The following GRIP1 variants were observed in gnomAD, a reference collection of about 807,000 sequenced individuals.
GRIP1 encodes glutamate receptor-interacting protein 1.
GRIP1 carries 45 observed loss-of-function variants against 129.9 expected under a neutral mutation model. That is an observed-to-expected ratio of 0.35 (90% confidence interval 0.27 to 0.44). GRIP1 has a LOEUF of 0.44. Among genes scored for constraint, GRIP1 ranks in the 20% least tolerant of loss-of-function variants. The pLI is 1.00. For missense variants in GRIP1, 1,196 were observed against 1,396.8 expected, an observed-to-expected ratio of 0.86 and a Z score of 2.29; for synonymous variants, 530 against 520.8, an observed-to-expected ratio of 1.02 and a Z score of -0.24.
intron 13 of GRIP1, among the ~76,000 whole-genome samples, chr12:66,438,463 C>A (rs1366751138): frequency 1.3e-5 from 2 of 151,800 alleles, no homozygotes; most frequent in Non-Finnish European, 2.9e-5. Flanking sequence ...GTAGAGCCAA[C>A]TGCTCTCTAC....
intron 1 of GRIP1, among the ~76,000 whole-genome samples, chr12:66,851,908 C>T (rs2039919059): frequency 6.6e-6 from 1 of 152,082 alleles, no homozygotes; most frequent in South Asian, 2.1e-4. Context: ...TTTTACAGAT[C>T]ATAAAACTTT....
intron 1 of GRIP1, among the ~76,000 whole-genome samples, chr12:66,945,001 C>A (rs2041644482): frequency 6.6e-6 from 1 of 152,108 alleles, no homozygotes; most frequent in South Asian, 2.1e-4. Context: ...TCTTGTTGGC[C>A]AGGGTGGTCT....
In GRIP1 at chr12:66,420,941, G is replaced by A. The variant is rs1388133714; in HGVS notation, c.1769-152C>T. 5.0e-6 allele frequency: 3 copies of A among 602,544 alleles called. No homozygotes were observed. The East Asian group carries it at 8.2e-5, about 17-fold the overall frequency. 37.3% of individuals were successfully genotyped at this position (602,544 alleles called of 1,614,324 possible). A position where few individuals can be genotyped will look rare whatever the true frequency, so the allele number is the denominator to read the frequency against. On this transcript the variant is annotated intron_variant, in intron 14 of 24. Transcript: ENST00000359742. ...ATGAATTAGGAAGTATGCACATTAT[G>A]TCTTTACAAATGTTTGTGCTAAAAT... is the stretch of plus-strand genomic sequence containing the variant.
chr12:66,835,662 C>T (rs1393072431), intron 1 of GRIP1, among the ~76,000 whole-genome samples: 1 of 152,170 alleles, frequency 6.6e-6, no homozygotes, highest in African/African-American at 2.4e-5. Context: ...CAAAAGGCTG[C>T]ATACCATATG....
At chr12:66,684,337 C>T (rs1035504500) in intron 1 of GRIP1, among the ~76,000 whole-genome samples, 7 of 152,128 alleles carry the variant, frequency 4.6e-5, no homozygotes, top group African/African-American at 1.7e-4. Flanking sequence ...TACAATGGCA[C>T]GAAGTAATTT....
chr12:66,614,930 T>A (rs904236870), intron 1 of GRIP1, among the ~76,000 whole-genome samples: 2 of 152,160 alleles, frequency 1.3e-5, no homozygotes, highest in African/African-American at 4.8e-5. Flanking sequence ...ATTATTCTAA[T>A]CTTACTTAAA....
chr12:67,028,601 CA>C (rs1252318790), intron 1 of GRIP1, among the ~76,000 whole-genome samples: 1 of 152,116 alleles, frequency 6.6e-6, no homozygotes, highest in Admixed American at 6.6e-5. Flanking sequence ...GCTTTTTATT[CA>C]ATAGCCTCTG....
chr12:66,699,863 G>A (rs1025299954), intron 1 of GRIP1, among the ~76,000 whole-genome samples: 6 of 152,132 alleles, frequency 3.9e-5, no homozygotes, highest in African/African-American at 1.4e-4. Context: ...CATGAGGCCC[G>A]CCCTGTAGAA....
intron 1 of GRIP1, among the ~76,000 whole-genome samples, chr12:66,610,892 A>C (rs1011215182): frequency 3.3e-5 from 5 of 152,192 alleles, no homozygotes; most frequent in African/African-American, 9.6e-5. Flanking sequence ...GAAATAGCTT[A>C]GAAAGGTTAT....
chr12:66,635,900 G>A (rs2031316083), intron 1 of GRIP1, among the ~76,000 whole-genome samples: 1 of 152,058 alleles, frequency 6.6e-6, no homozygotes, highest in Non-Finnish European at 1.5e-5. Flanking sequence ...TAAAAACCAT[G>A]GTAATATACC....
chr12:66,916,256 A>T (rs1933462111), intron 1 of GRIP1, among the ~76,000 whole-genome samples: 1 of 152,246 alleles, frequency 6.6e-6, no homozygotes, highest in African/African-American at 2.4e-5. Flanking sequence ...CCCTGCAAAT[A>T]ACACGGAGGT....
At position 66,377,638 on chromosome 12, in the gene GRIP1, C is replaced by CTT. The variant is rs3045282; in HGVS notation, c.2622-355_2622-354dup. 7.7e-4 allele frequency among the ~76,000 whole-genome samples: 96 copies of CTT among 124,588 alleles called. 1 individual carries two copies. The highest frequency in any genetic ancestry group is 9.8e-4 in the Admixed American group (12 of 12,244). The allele number at this position is 124,588 out of a possible 152,430, so 81.7% of individuals were successfully genotyped here. ...GTAGGCGTGAGCCACCGCACCCGGC[C>CTT]TTTTTTTTTTTTTTTTTTGGATTCA... On this transcript the variant is annotated intron_variant, in intron 20 of 24. Coordinates refer to ENST00000359742, the MANE Select transcript of GRIP1 (RefSeq NM_001366722.1).
At chr12:66,400,506 A>G (rs908835340) in intron 16 of GRIP1, among the ~76,000 whole-genome samples, 41 of 152,186 alleles carry the variant, frequency 2.7e-4, no homozygotes, top group Admixed American at 2.6e-3. Flanking sequence ...TAAACTATAA[A>G]TATTTGAAGC....
chr12:66,415,175 ACTATCAT>A (rs2057554238), intron 15 of GRIP1, among the ~76,000 whole-genome samples: 1 of 152,260 alleles, frequency 6.6e-6, no homozygotes, highest in African/African-American at 2.4e-5. Context: ...AGCAAAAGAA[ACTATCAT>A]CAGAGTGAAC....
At chr12:66,431,713 C>T (rs2058153028) in intron 14 of GRIP1, among the ~76,000 whole-genome samples, 1 of 152,110 alleles carries the variant, frequency 6.6e-6, no homozygotes, top group Non-Finnish European at 1.5e-5. Context: ...TTAACATTTG[C>T]TTCATTTTCT....
intron 7 of GRIP1, among the ~76,000 whole-genome samples, chr12:66,515,256 CT>C (rs1446033094): frequency 1.3e-5 from 2 of 151,770 alleles, no homozygotes; most frequent in Non-Finnish European, 2.9e-5. Flanking sequence ...TGCTGTCAGT[CT>C]CTATGTAATA....
At chr12:66,382,621 T>G (rs1026615855) in intron 19 of GRIP1, among the ~76,000 whole-genome samples, 6 of 152,196 alleles carry the variant, frequency 3.9e-5, no homozygotes, top group Admixed American at 6.5e-5. Flanking sequence ...CCTCTCAAGA[T>G]CTCAGTTTCC....
intron 14 of GRIP1, among the ~76,000 whole-genome samples, chr12:66,422,388 G>C (rs2057834653): frequency 6.6e-6 from 1 of 152,070 alleles, no homozygotes; most frequent in Admixed American, 6.6e-5. Context: ...TGCCTCTAGA[G>C]GCATATAAGC....
At chr12:66,936,409 G>T in intron 1 of GRIP1, among the ~76,000 whole-genome samples, 1 of 130,694 alleles carries the variant, frequency 7.7e-6, no homozygotes, top group African/African-American at 3.1e-5. Flanking sequence ...CTGTGTAACA[G>T]AGCAAGACCC....
Sources: allele counts gnomAD v4.1 joint callset (sites outside exome capture counted in the v4.1 genomes callset), GRCh38; gene constraint gnomAD v4.1.1; transcripts MANE v1.5; gene names NCBI Gene and HGNC (gene_info 2026-07-23, HGNC 2026-07-21).